The following RMST variants were observed in gnomAD, a reference collection of about 807,000 sequenced individuals.
RMST encodes rhabdomyosarcoma 2 associated transcript.
intron 10 of RMST, among the ~76,000 whole-genome samples, chr12:97,522,663 GT>G (rs1329398381): frequency 6.6e-6 from 1 of 152,052 alleles, no homozygotes; most frequent in African/African-American, 2.4e-5. Flanking sequence ...CATAACCTAG[GT>G]TAAAAAGGTA....
chr12:97,554,931 C>T (rs1883588166), intron 11 of RMST, among the ~76,000 whole-genome samples: 1 of 152,188 alleles, frequency 6.6e-6, no homozygotes, highest in South Asian at 2.1e-4. Context: ...GATATGAAAG[C>T]AGGCAGCTGG....
intron 5 of RMST, among the ~76,000 whole-genome samples, chr12:97,490,923 G>C (rs1430641740): frequency 2.0e-5 from 3 of 152,160 alleles, no homozygotes; most frequent in African/African-American, 7.2e-5. Context: ...AAAATCTTAA[G>C]TTGGGATTGG....
In RMST at chr12:97,476,643, T is replaced by A. The variant is rs538683109; in HGVS notation, n.644+10916T>A. Among the ~76,000 whole-genome samples the A allele has an allele frequency of 3.3e-5, 5 of 152,336 alleles. No individual in the cohort carries two copies. In the South Asian group the frequency reaches 1.0e-3, roughly 32 times the overall value. On this transcript the variant is annotated intron_variant and non_coding_transcript_variant, in intron 5 of 13. Coordinates refer to ENST00000640149, the Ensembl canonical transcript of RMST. ...GTTTCCAAAATGATTTGTTCATTCA[T>A]GTCCTCATGGAAGAATAGGCAAATT...
chr12:97,475,841 G>A (rs970410489), intron 5 of RMST, among the ~76,000 whole-genome samples: 1 of 152,108 alleles, frequency 6.6e-6, no homozygotes, highest in African/African-American at 2.4e-5. Context: ...TTTCCCAAAT[G>A]CGATTTAGTT....
intron 10 of RMST, among the ~76,000 whole-genome samples, chr12:97,518,771 C>A (rs1411315725): frequency 1.3e-5 from 2 of 151,950 alleles, no homozygotes; most frequent in African/African-American, 4.8e-5. Flanking sequence ...CAAATCCAAC[C>A]TTTTGCATTT....
chr12:97,564,046 C>A, intron 13 of RMST: 1 of 345,108 alleles, frequency 2.9e-6, no homozygotes. Flanking sequence ...GATTTGACAG[C>A]TGAGAAATCT....
chr12:97,474,001 C>G (rs1874229898), intron 5 of RMST, among the ~76,000 whole-genome samples: 2 of 152,066 alleles, frequency 1.3e-5, no homozygotes, highest in African/African-American at 4.8e-5. Flanking sequence ...TCTGGCTTCT[C>G]TGCCCAGGGA....
chr12:97,463,269 T>C (rs1177600898), exon 4 of RMST: 1 of 152,284 alleles, frequency 6.6e-6, no homozygotes, highest in Non-Finnish European at 1.5e-5. Flanking sequence ...ATAACAAGAC[T>C]GTCCTTCGGA....
At chr12:97,487,092 G>C (rs1392040374) in intron 5 of RMST, among the ~76,000 whole-genome samples, 1 of 152,168 alleles carries the variant, frequency 6.6e-6, no homozygotes, top group East Asian at 1.9e-4. Flanking sequence ...GGTTTCCTAA[G>C]AAAAGAATTT....
chr12:97,515,066 A>T (rs566629266), intron 10 of RMST, among the ~76,000 whole-genome samples: 21 of 152,298 alleles, frequency 1.4e-4, no homozygotes, highest in Admixed American at 4.6e-4. Flanking sequence ...ATATTGAAAG[A>T]CATTTTTCAA....
chr12:97,557,966 A>G (rs1223503062), intron 11 of RMST, among the ~76,000 whole-genome samples: 3 of 150,152 alleles, frequency 2.0e-5, no homozygotes, highest in Non-Finnish European at 4.4e-5. Context: ...AAGCTTAGAG[A>G]GGGAGATTGT....
chr12:97,505,337 A>C (rs1206037097), intron 10 of RMST, among the ~76,000 whole-genome samples: 1 of 152,244 alleles, frequency 6.6e-6, no homozygotes, highest in Non-Finnish European at 1.5e-5. Context: ...CTGCTTGAAA[A>C]GTATTTGGGT....
chr12:97,535,690 A>G (rs1331617505), intron 11 of RMST, among the ~76,000 whole-genome samples: 2 of 151,772 alleles, frequency 1.3e-5, no homozygotes, highest in East Asian at 1.9e-4. Flanking sequence ...CTTGGAGACT[A>G]TGAGAACAGG....
chr12:97,544,004 T>C (rs1260023483), intron 11 of RMST, among the ~76,000 whole-genome samples: 1 of 152,090 alleles, frequency 6.6e-6, no homozygotes, highest in East Asian at 1.9e-4. Flanking sequence ...TAGGAATCTG[T>C]AGAGGCATTC....
At chr12:97,488,371 G>A (rs147261390) in intron 5 of RMST, among the ~76,000 whole-genome samples, 36 of 152,256 alleles carry the variant, frequency 2.4e-4, no homozygotes, top group African/African-American at 7.9e-4. Flanking sequence ...CACATTGATC[G>A]TGCCTTGTTT....
chr12:97,495,990 C>A (rs954614511), exon 10 of RMST: 1 of 152,158 alleles, frequency 6.6e-6, no homozygotes, highest in African/African-American at 2.4e-5. Flanking sequence ...CCCAGTGCCA[C>A]CAACTGGGAT....
chr12:97,506,675 GTTTTTTTTTTTTT>G (rs780505590), intron 10 of RMST, among the ~76,000 whole-genome samples: 11 of 76,946 alleles, frequency 1.4e-4, no homozygotes, highest in Non-Finnish European at 1.7e-4. Context: ...AGGGTAATCT[GTTTTTTTTTTTTT>G]TTTTTTTTTT....
At chr12:97,557,307 G>T (rs762611840) in intron 11 of RMST, among the ~76,000 whole-genome samples, 7 of 152,276 alleles carry the variant, frequency 4.6e-5, no homozygotes, top group Admixed American at 4.6e-4. Flanking sequence ...TGTTTCTTGA[G>T]TGGAGTTGCA....
At chr12:97,538,088 AG>A (rs1220241133) in intron 11 of RMST, among the ~76,000 whole-genome samples, 3 of 151,410 alleles carry the variant, frequency 2.0e-5, no homozygotes, top group African/African-American at 7.3e-5. Flanking sequence ...AATAATAGAA[AG>A]GTTAGTTAAA....
Sources: allele counts gnomAD v4.1 joint callset (sites outside exome capture counted in the v4.1 genomes callset), GRCh38; gene constraint gnomAD v4.1.1; transcripts MANE v1.5; gene names NCBI Gene and HGNC (gene_info 2026-07-23, HGNC 2026-07-21).